Variants in DLGAP1 observed in about 807,000 individuals in gnomAD.
The protein encoded by DLGAP1 is DLG associated protein 1, also known as disks large-associated protein 1.
Under a neutral mutation model 90.8 loss-of-function variants are expected in DLGAP1, and 11 were observed. The ratio of observed to expected loss-of-function variants is 0.12; its 90% CI spans 0.08 to 0.20. The LOEUF (loss-of-function observed/expected upper bound fraction) is 0.20. Among genes scored for constraint, DLGAP1 ranks in the 10% least tolerant of loss-of-function variants. DLGAP1 has a pLI of 1.00. For missense variants in DLGAP1, 1,050 were observed against 1,333.8 expected (o/e 0.79, Z 3.31); for synonymous variants, 558 against 540.7 (o/e 1.03, Z -0.44).
chr18:3,891,525 ACTC>A (rs1022521981), intron 3 of DLGAP1, among the ~76,000 whole-genome samples: 2 of 151,932 alleles, frequency 1.3e-5, no homozygotes, highest in Non-Finnish European at 2.9e-5. Context: ...CCTCAAGTCT[ACTC>A]CTTATTTCTC....
At chr18:4,207,550 G>A (rs2077747293) in intron 1 of DLGAP1, among the ~76,000 whole-genome samples, 1 of 152,222 alleles carries the variant, frequency 6.6e-6, no homozygotes, top group Non-Finnish European at 1.5e-5. Context: ...TTTACCATCT[G>A]AGGTAGTCAC....
chr18:4,204,644 T>C (rs988418165), intron 1 of DLGAP1, among the ~76,000 whole-genome samples: 12 of 152,280 alleles, frequency 7.9e-5, no homozygotes, highest in African/African-American at 2.9e-4. Context: ...AGATATATGG[T>C]GTGCTCAATT....
intron 1 of DLGAP1, among the ~76,000 whole-genome samples, chr18:4,207,320 T>TA (rs1164833610): frequency 2.0e-5 from 3 of 151,998 alleles, no homozygotes; most frequent in Non-Finnish European, 4.4e-5. Flanking sequence ...ATAAAACCAT[T>TA]AGCTCTTGTG....
chr18:3,869,244 T>C (rs1436884382), intron 4 of DLGAP1, among the ~76,000 whole-genome samples: 3 of 151,592 alleles, frequency 2.0e-5, no homozygotes, highest in Non-Finnish European at 2.9e-5. Context: ...TGGGAAAACC[T>C]GATCCACTGA....
intron 1 of DLGAP1, among the ~76,000 whole-genome samples, chr18:4,195,229 CCCATT>C (rs1345423389): frequency 1.3e-5 from 2 of 152,152 alleles, no homozygotes; most frequent in African/African-American, 2.4e-5. Context: ...TTAAGCCATT[CCCATT>C]CAAGATTCAT....
At position 3,534,410 on chromosome 18, in the gene DLGAP1, C is replaced by T. The variant is rs766656517; in HGVS notation, c.2263G>A (p.Asp755Asn). ...GNHYHACAAD[D>N]DFDTDFDPSI... is the part of the protein sequence containing the mutation. Reference sequence around the variant, plus strand: ...GGGTCAAAATCCGTGTCAAAGTCATCATCGGCGGCACAGGCATGGTAATGG... The same window carrying T: ...GGGTCAAAATCCGTGTCAAAGTCATTATCGGCGGCACAGGCATGGTAATGG... The change falls in exon 10 of 13, where the codon GAT becomes AAT. Residue 755 changes from aspartate to asparagine, a missense_variant. Physicochemically the swap from Asp to Asn is conservative, Grantham distance 23. This residue lies in a region of DLGAP1 where 565 missense variants were observed against 879.7 expected (regional missense o/e 0.64). Coordinates refer to ENST00000315677, the MANE Select transcript of DLGAP1 (RefSeq NM_004746.4). The T allele has an allele frequency of 1.1e-5, 18 of 1,614,074 alleles. No homozygotes were observed. The highest frequency in any genetic ancestry group is 5.3e-5 in the African/African-American group (4 of 74,934).
intron 2 of DLGAP1, among the ~76,000 whole-genome samples, chr18:4,130,985 A>C (rs2076305116): frequency 6.6e-6 from 1 of 152,186 alleles, no homozygotes; most frequent in African/African-American, 2.4e-5. Context: ...ATTTGCATAT[A>C]ATTGTATTAA....
chr18:3,917,104 T>G (rs1196611021), intron 3 of DLGAP1, among the ~76,000 whole-genome samples: 1 of 152,248 alleles, frequency 6.6e-6, no homozygotes, highest in African/African-American at 2.4e-5. Flanking sequence ...TGTGGGCTAA[T>G]GTAAATGGTC....
chr18:3,501,392 C>CT (rs2049924994), intron 12 of DLGAP1, among the ~76,000 whole-genome samples: 1 of 152,146 alleles, frequency 6.6e-6, no homozygotes, highest in Non-Finnish European at 1.5e-5. Flanking sequence ...AAATGTTTGG[C>CT]TTCCCAAGTG....
At chr18:3,596,708 G>T in intron 7 of DLGAP1, 2 of 422,678 alleles carry the variant, frequency 4.7e-6, no homozygotes, top group East Asian at 1.4e-4. Flanking sequence ...TTACATGAAG[G>T]CGTGAACAGG....
At position 4,383,655 on chromosome 18, in the gene DLGAP1, C is replaced by T. The variant is rs1029766644; in HGVS notation, c.-267+71351G>A. On this transcript the variant is annotated intron_variant, in intron 1 of 12. Transcript: ENST00000315677. This position sits in a 1 kb window ranked among gnomAD's most constrained non-coding sequence, Gnocchi z 4.0. ...CTTTCTGACTATGCTATGTAGAATG[C>T]GAAGTGATTAAACATCACAGATTAT... Among the ~76,000 whole-genome samples the T allele has an allele frequency of 1.3e-5, 2 of 151,984 alleles. No homozygotes were observed. The highest frequency in any genetic ancestry group is 6.6e-5 in the Admixed American group (1 of 15,246).
chr18:3,812,590 C>G (rs923049367), intron 5 of DLGAP1, among the ~76,000 whole-genome samples: 1 of 152,080 alleles, frequency 6.6e-6, no homozygotes, highest in African/African-American at 2.4e-5. Context: ...GGAAGGGCAA[C>G]TGGAAGCCAA....
intron 10 of DLGAP1, among the ~76,000 whole-genome samples, chr18:3,512,444 C>A (rs3786452): frequency 0.4 from 61,275 of 151,694 alleles, 13,615 homozygotes; most frequent in East Asian, 0.63. Flanking sequence ...GAAGTAAGCA[C>A]TCTTTATAAA....
intron 7 of DLGAP1, among the ~76,000 whole-genome samples, chr18:3,610,691 T>C (rs1476019462): frequency 6.7e-6 from 1 of 149,932 alleles, no homozygotes; most frequent in South Asian, 2.1e-4. Context: ...AAAAAAAAAA[T>C]AGCCAGATGT....
chr18:3,945,378 C>T (rs2072856578), intron 3 of DLGAP1, among the ~76,000 whole-genome samples: 2 of 152,308 alleles, frequency 1.3e-5, no homozygotes, highest in South Asian at 4.1e-4. Context: ...GTAAACATCA[C>T]TCTTTGATCG....
intron 9 of DLGAP1, among the ~76,000 whole-genome samples, chr18:3,542,705 T>C (rs187940568): frequency 8.7e-4 from 132 of 152,320 alleles, no homozygotes; most frequent in Admixed American, 1.5e-3. Flanking sequence ...GAGTATACAA[T>C]TGCAAAGTTT....
intron 2 of DLGAP1, among the ~76,000 whole-genome samples, chr18:4,039,903 C>A (rs1190600097): frequency 6.6e-6 from 1 of 152,182 alleles, no homozygotes; most frequent in Non-Finnish European, 1.5e-5. Context: ...TTAATTATTA[C>A]TTGAGATAAA....
intron 1 of DLGAP1, among the ~76,000 whole-genome samples, chr18:4,225,099 T>C (rs1262946490): frequency 6.6e-6 from 1 of 152,118 alleles, no homozygotes; most frequent in Non-Finnish European, 1.5e-5. Context: ...AAAATTCTTT[T>C]GTATCTCATG....
intron 10 of DLGAP1, among the ~76,000 whole-genome samples, chr18:3,532,242 T>C (rs779060838): frequency 1.3e-5 from 2 of 152,102 alleles, no homozygotes; most frequent in Non-Finnish European, 2.9e-5. Context: ...GACGAGTACA[T>C]GGGGACTCAT....
Sources: gnomAD v4.1 joint callset for allele counts (sites outside exome capture counted in the v4.1 genomes callset) on GRCh38, gnomAD v4.1.1 for gene constraint, gnomAD v4.1.1 regional missense constraint, Gnocchi (gnomAD v3.1) non-coding constraint, MANE v1.5 for transcripts, NCBI Gene and HGNC (gene_info 2026-07-23, HGNC 2026-07-21) for gene names.